KCNMA1: variants seen among roughly 807,000 people sequenced by gnomAD.
KCNMA1 encodes the protein potassium calcium-activated channel subfamily M alpha 1, also known as Calcium-activated potassium channel subunit alpha-1.
Under a neutral mutation model 140.0 loss-of-function variants are expected in KCNMA1, and 29 were observed. The observed-to-expected ratio is 0.21, with a 90% confidence interval of 0.15 to 0.28. KCNMA1 has a LOEUF of 0.28. Among genes scored for constraint, KCNMA1 ranks in the 10% least tolerant of loss-of-function variants. The pLI is 1.00. For missense variants in KCNMA1, 880 were observed against 1,602.2 expected (o/e 0.55, Z 7.70); for synonymous variants, 612 against 611.9 (o/e 1.00, Z 0.00).
chr10:77,049,166 ATC>A (rs1309838875), intron 14 of KCNMA1, among the ~76,000 whole-genome samples: 3 of 152,054 alleles, frequency 2.0e-5, no homozygotes, highest in African/African-American at 7.2e-5. Flanking sequence ...CCACCCTGAA[ATC>A]TCTGTTTCCC....
chr10:77,543,569 G>T (rs2060687711), intron 1 of KCNMA1, among the ~76,000 whole-genome samples: 1 of 152,154 alleles, frequency 6.6e-6, no homozygotes, highest in Admixed American at 6.5e-5. Context: ...TCCTGCAAAT[G>T]TTTAATGCTA....
At chr10:77,391,405 T>C (rs1298931739) in intron 2 of KCNMA1, among the ~76,000 whole-genome samples, 1 of 152,172 alleles carries the variant, frequency 6.6e-6, no homozygotes, top group Non-Finnish European at 1.5e-5. Flanking sequence ...TGAAATTAAC[T>C]GGATGAGCAA....
intron 5 of KCNMA1, among the ~76,000 whole-genome samples, chr10:77,170,974 G>A (rs1039687273): frequency 6.6e-6 from 1 of 152,142 alleles, no homozygotes; most frequent in Non-Finnish European, 1.5e-5. Context: ...ATGAAATAAA[G>A]GATTACATTA....
chr10:77,139,137 A>G (rs959850787), intron 5 of KCNMA1, among the ~76,000 whole-genome samples: 2 of 152,216 alleles, frequency 1.3e-5, no homozygotes, highest in African/African-American at 4.8e-5. Context: ...AAATGCATTA[A>G]TCCTTTCAAA....
chr10:77,479,103 G>GT (rs1698862166), intron 1 of KCNMA1, among the ~76,000 whole-genome samples: 1 of 152,174 alleles, frequency 6.6e-6, no homozygotes, highest in African/African-American at 2.4e-5. Flanking sequence ...GCACTCTGCT[G>GT]TTTTTTGCAG....
intron 1 of KCNMA1, among the ~76,000 whole-genome samples, chr10:77,572,755 C>CA (rs113888169): frequency 0.21 from 25,398 of 119,794 alleles, 2,914 homozygotes; most frequent in African/African-American, 0.31. Context: ...GATCTTGTCT[C>CA]AAAAAAAAAA....
chr10:77,525,402 T>C (rs2055205408), intron 1 of KCNMA1, among the ~76,000 whole-genome samples: 1 of 152,084 alleles, frequency 6.6e-6, no homozygotes, highest in African/African-American at 2.4e-5. Flanking sequence ...ACCCAGAAAG[T>C]GCAGGGTTGG....
At chr10:77,409,826 A>G (rs547711434) in intron 1 of KCNMA1, among the ~76,000 whole-genome samples, 35 of 152,170 alleles carry the variant, frequency 2.3e-4, no homozygotes, top group African/African-American at 7.9e-4. Context: ...AAATCAAAAG[A>G]TACTCTGGAC....
intron 2 of KCNMA1, among the ~76,000 whole-genome samples, chr10:77,301,756 A>G (rs1363801529): frequency 6.6e-6 from 1 of 151,084 alleles, no homozygotes; most frequent in Non-Finnish European, 1.5e-5. Flanking sequence ...AAAATATCTG[A>G]TTGGGCACTA....
intron 17 of KCNMA1, among the ~76,000 whole-genome samples, chr10:77,017,190 C>T (rs1240607629): frequency 6.6e-6 from 1 of 152,102 alleles, no homozygotes; most frequent in African/African-American, 2.4e-5. Context: ...GTGAGAGATG[C>T]AATAGGAAAT....
intron 1 of KCNMA1, among the ~76,000 whole-genome samples, chr10:77,442,015 G>T (rs1331792436): frequency 6.6e-6 from 1 of 152,156 alleles, no homozygotes; most frequent in Admixed American, 6.6e-5. Context: ...TCTCAACTGC[G>T]CCAGCAAGGA....
At chr10:77,370,458 A>G (rs1384590658) in intron 2 of KCNMA1, among the ~76,000 whole-genome samples, 1 of 152,196 alleles carries the variant, frequency 6.6e-6, no homozygotes, top group Non-Finnish European at 1.5e-5. Context: ...AGGGCTGTCA[A>G]GTTCATTCTA....
chr10:77,057,827 G>A (rs2095596805), intron 14 of KCNMA1, among the ~76,000 whole-genome samples: 1 of 151,622 alleles, frequency 6.6e-6, no homozygotes, highest in Non-Finnish European at 1.5e-5. Context: ...AGAGTTCAAA[G>A]TTTTTGAAAA....
intron 25 of KCNMA1, among the ~76,000 whole-genome samples, chr10:76,895,918 T>C (rs368788433): frequency 8.7e-4 from 132 of 152,264 alleles, no homozygotes; most frequent in African/African-American, 3.0e-3. Flanking sequence ...AGAGATCACA[T>C]GCTTCAAGGG....
At chr10:77,348,729 G>T (rs1346089311) in intron 2 of KCNMA1, among the ~76,000 whole-genome samples, 1 of 152,150 alleles carries the variant, frequency 6.6e-6, no homozygotes, top group Non-Finnish European at 1.5e-5. Context: ...TTCCAGTAGG[G>T]ACCTGACAGA....
intron 1 of KCNMA1, among the ~76,000 whole-genome samples, chr10:77,521,433 CA>C (rs2053349287): frequency 6.6e-6 from 1 of 152,228 alleles, no homozygotes; most frequent in Non-Finnish European, 1.5e-5. Context: ...TAGAGGCCCA[CA>C]CACTAGTGCC....
intron 14 of KCNMA1, among the ~76,000 whole-genome samples, chr10:77,071,826 T>C (rs974573790): frequency 6.6e-6 from 1 of 152,170 alleles, no homozygotes; most frequent in Admixed American, 6.5e-5. Flanking sequence ...TGTGGAGCAA[T>C]GTTAACTATC....
chr10:77,167,734 G>C (rs1163385927), intron 5 of KCNMA1, among the ~76,000 whole-genome samples: 1 of 151,454 alleles, frequency 6.6e-6, no homozygotes, highest in African/African-American at 2.4e-5. Flanking sequence ...CTGTCCCCAG[G>C]CTGGAGTGCA....
intron 1 of KCNMA1, among the ~76,000 whole-genome samples, chr10:77,572,569 C>CTATCTAT (rs2071879711): frequency 2.7e-5 from 1 of 37,568 alleles, no homozygotes; most frequent in African/African-American, 1.1e-4. Context: ...AAAAAAAATC[C>CTATCTAT]ATATATATAT....
Sources: gnomAD v4.1 joint callset for allele counts (sites outside exome capture counted in the v4.1 genomes callset) on GRCh38, gnomAD v4.1.1 for gene constraint, MANE v1.5 for transcripts, NCBI Gene and HGNC (gene_info 2026-07-23, HGNC 2026-07-21) for gene names.